CAMK4: variants seen among roughly 807,000 people sequenced by gnomAD.
The protein encoded by CAMK4 is calcium/calmodulin dependent protein kinase IV.
CAMK4 carries 22 observed loss-of-function variants against 44.9 expected under a neutral mutation model. The observed-to-expected ratio is 0.49, with a 90% CI of 0.35 to 0.70. The LOEUF (loss-of-function observed/expected upper bound fraction) is 0.70, where lower values mean the gene tolerates loss of function less well. Ranked by LOEUF, CAMK4 falls within the 30% of genes least tolerant of loss-of-function variation. CAMK4 has a pLI of 0.01. For missense variants in CAMK4, 498 were observed against 586.8 expected (o/e 0.85, Z 1.56); for synonymous variants, 218 against 215.4 (o/e 1.01, Z -0.11).
intron 1 of CAMK4, among the ~76,000 whole-genome samples, chr5:111,311,664 T>C (rs1748209077): frequency 6.6e-6 from 1 of 152,200 alleles, no homozygotes; most frequent in East Asian, 1.9e-4. Context: ...TCTTTGCTCT[T>C]CTTGGGAATT....
intron 1 of CAMK4, among the ~76,000 whole-genome samples, chr5:111,341,616 T>G (rs532975424): frequency 6.6e-6 from 1 of 151,416 alleles, no homozygotes; most frequent in Non-Finnish European, 1.5e-5. Flanking sequence ...TATGAGTATT[T>G]TCTTGTAAAA....
chr5:111,283,267 T>C (rs1219577928), intron 1 of CAMK4, among the ~76,000 whole-genome samples: 1 of 152,218 alleles, frequency 6.6e-6, no homozygotes, highest in Non-Finnish European at 1.5e-5. Flanking sequence ...GAAGCTCTTT[T>C]AGACTTATAT....
intron 7 of CAMK4, among the ~76,000 whole-genome samples, chr5:111,469,451 T>A (rs1754984512): frequency 6.6e-6 from 1 of 152,076 alleles, no homozygotes; most frequent in Non-Finnish European, 1.5e-5. Context: ...TAAATTGCCT[T>A]TGGAGAGTAA....
chr5:111,326,904 G>C (rs570425199), intron 1 of CAMK4, among the ~76,000 whole-genome samples: 1 of 151,686 alleles, frequency 6.6e-6, no homozygotes, highest in East Asian at 1.9e-4. Flanking sequence ...CATGAAACAG[G>C]GTGATGACTA....
intron 5 of CAMK4, among the ~76,000 whole-genome samples, chr5:111,406,316 T>C (rs1301672989): frequency 6.6e-6 from 1 of 151,692 alleles, no homozygotes; most frequent in East Asian, 1.9e-4. Context: ...TCCGCCTCCC[T>C]GGGTTCAAGC....
At chr5:111,279,045 A>C (rs993186958) in intron 1 of CAMK4, among the ~76,000 whole-genome samples, 2 of 152,168 alleles carry the variant, frequency 1.3e-5, no homozygotes, top group Admixed American at 1.3e-4. Flanking sequence ...GCACGGCCTT[A>C]GTATGAGTGG....
chr5:111,362,449 AC>A (rs1750631548), intron 2 of CAMK4, among the ~76,000 whole-genome samples: 2 of 152,030 alleles, frequency 1.3e-5, no homozygotes, highest in South Asian at 4.1e-4. Flanking sequence ...GTAAAAGATA[AC>A]AAAATTTCAA....
intron 4 of CAMK4, among the ~76,000 whole-genome samples, chr5:111,386,248 A>C (rs1751597759): frequency 6.6e-6 from 1 of 152,184 alleles, no homozygotes; most frequent in Admixed American, 6.5e-5. Flanking sequence ...TTTTAATATA[A>C]TTTTGTATGT....
At chr5:111,438,698 A>G (rs1218983859) in intron 5 of CAMK4, among the ~76,000 whole-genome samples, 1 of 152,230 alleles carries the variant, frequency 6.6e-6, no homozygotes, top group Non-Finnish European at 1.5e-5. Flanking sequence ...GTAAATGTTC[A>G]ATTTAGGAAG....
At chr5:111,236,936 C>T (rs1356305229) in intron 1 of CAMK4, among the ~76,000 whole-genome samples, 1 of 152,186 alleles carries the variant, frequency 6.6e-6, no homozygotes, top group Non-Finnish European at 1.5e-5. Context: ...AGGCAAATAG[C>T]TGCAAGAAAA....
intron 5 of CAMK4, among the ~76,000 whole-genome samples, chr5:111,409,831 A>C (rs1412080875): frequency 1.3e-5 from 2 of 152,184 alleles, no homozygotes; most frequent in African/African-American, 4.8e-5. Flanking sequence ...CCTTTACTCC[A>C]GTTCCCAAGA....
chr5:111,248,798 G>A (rs577765550), intron 1 of CAMK4, among the ~76,000 whole-genome samples: 1 of 152,226 alleles, frequency 6.6e-6, no homozygotes, highest in South Asian at 2.1e-4. Flanking sequence ...GTGATTTAGA[G>A]TCCTCTCCAG....
At chr5:111,238,164 A>G (rs563700133) in intron 1 of CAMK4, among the ~76,000 whole-genome samples, 2 of 152,266 alleles carry the variant, frequency 1.3e-5, no homozygotes, top group East Asian at 1.9e-4. Context: ...AGTTACCCCT[A>G]GGCCCAGAGC....
At chr5:111,466,648 A>G (rs2112475826) in intron 7 of CAMK4, among the ~76,000 whole-genome samples, 1 of 152,328 alleles carries the variant, frequency 6.6e-6, no homozygotes, top group South Asian at 2.1e-4. Context: ...CAAGGACATG[A>G]AAGACCTCTC....
At position 111,487,992 on chromosome 5, in the gene CAMK4, C is replaced by A. The variant is rs2112513551; in HGVS notation, c.*3526C>A. ...ATTACTAAATTATCTACTGACCAAT[C>A]CCTCTGATTCCTGATGGGCCCTGGA... is the stretch of plus-strand genomic sequence containing the variant. On this transcript the variant is annotated 3_prime_UTR_variant, in exon 11 of 11. Transcript: ENST00000282356. 6.6e-6 allele frequency: 1 copy of A among 152,300 alleles called. No individual in the cohort carries two copies. Among genetic ancestry groups the A allele is most frequent in the Admixed American group, 6.5e-5 (1 of 15,298 alleles). The allele number at this position is 152,300 out of a possible 1,614,324, so 9.4% of individuals were successfully genotyped here.
At chr5:111,368,832 T>A (rs1750894426) in intron 2 of CAMK4, among the ~76,000 whole-genome samples, 2 of 151,958 alleles carry the variant, frequency 1.3e-5, no homozygotes, top group South Asian at 4.1e-4. Flanking sequence ...CTTCTCAGCC[T>A]CCACCAAACT....
chr5:111,397,648 GCT>G (rs377210109), intron 5 of CAMK4, among the ~76,000 whole-genome samples: 1 of 122,984 alleles, frequency 8.1e-6, no homozygotes, highest in African/African-American at 3.3e-5. Context: ...AAGTCAGCAT[GCT>G]GTGTGTGTGT....
chr5:111,471,108 AG>A (rs1254320647), intron 7 of CAMK4, among the ~76,000 whole-genome samples: 1 of 152,240 alleles, frequency 6.6e-6, no homozygotes, highest in Non-Finnish European at 1.5e-5. Flanking sequence ...AATTGTTTGA[AG>A]AATCAGGCTC....
At chr5:111,227,863 A>G (rs1748271799) in intron 1 of CAMK4, among the ~76,000 whole-genome samples, 2 of 152,262 alleles carry the variant, frequency 1.3e-5, no homozygotes, top group African/African-American at 4.8e-5. Flanking sequence ...ACACACATTC[A>G]ACTCTACTTA....
Sources: gnomAD v4.1 joint callset for allele counts (sites outside exome capture counted in the v4.1 genomes callset) on GRCh38, gnomAD v4.1.1 for gene constraint, MANE v1.5 for transcripts, NCBI Gene and HGNC (gene_info 2026-07-23, HGNC 2026-07-21) for gene names.